Variants in ZHX2 observed in about 807,000 individuals in gnomAD.
The protein encoded by ZHX2 is zinc fingers and homeoboxes 2.
In ZHX2, 6 loss-of-function variants were observed where a neutral mutation model predicts 21.9. That is an observed-to-expected ratio of 0.27 (90% confidence interval 0.15 to 0.54). The LOEUF is 0.54. Ranked by LOEUF, ZHX2 falls within the 20% of genes least tolerant of loss-of-function variation. The pLI, the probability that ZHX2 is intolerant of heterozygous loss-of-function variation, is 0.95. For synonymous variants in ZHX2, 434 were observed against 437.1 expected (o/e 0.99, Z 0.09); for missense variants, 908 against 1,090.7 (o/e 0.83, Z 2.36).
chr8:122,884,545 C>T (rs1275416424), intron 2 of ZHX2, among the ~76,000 whole-genome samples: 1 of 152,206 alleles, frequency 6.6e-6, no homozygotes, highest in African/African-American at 2.4e-5. Flanking sequence ...CCAGCACTAC[C>T]TTGCCTTCAC....
rs1818307456 is a variant in ZHX2, at chr8:122,828,464, G to A, written c.-282-35013G>A. On this transcript the variant is annotated intron_variant, in intron 1 of 3. Coordinates refer to ENST00000314393, the MANE Select transcript of ZHX2 (RefSeq NM_014943.5). The surrounding 1 kb of genome is among the most constrained non-coding windows in gnomAD (Gnocchi z 5.2). ...CACTATGTGGATAAGAGTAACAGAAGAGAAACCAAAACCCAGGAAGACAGG... is the reference window on the plus strand; with the variant it reads ...CACTATGTGGATAAGAGTAACAGAAAAGAAACCAAAACCCAGGAAGACAGG... Among the ~76,000 whole-genome samples, 1 of 152,222 alleles carries A rather than the reference G, an allele frequency of 6.6e-6. No homozygotes were observed. Among genetic ancestry groups the A allele is most frequent in the African/African-American group, 2.4e-5 (1 of 41,464 alleles).
rs576385845 is a variant in ZHX2, at chr8:122,791,484, T to C, written c.-283+9538T>C. ...TAGTTCCCCAAAGTCCCCCTAAAAA[T>C]AAAGGCACTTCAAGGGAATTTAGAC... On this transcript the variant is annotated intron_variant, in intron 1 of 3. Coordinates refer to ENST00000314393, the MANE Select transcript of ZHX2 (RefSeq NM_014943.5). 1.5e-4 allele frequency among the ~76,000 whole-genome samples: 23 copies of C among 152,224 alleles called. No individual in the cohort carries two copies. The South Asian group carries it at 4.1e-3, about 27-fold the overall frequency.
intron 2 of ZHX2, among the ~76,000 whole-genome samples, chr8:122,939,727 A>G (rs992692258): frequency 2.0e-4 from 31 of 152,334 alleles, no homozygotes; most frequent in African/African-American, 7.2e-4. Flanking sequence ...TTACACAGGA[A>G]ATTTAAGAGG....
At chr8:122,937,434 C>G (rs1002495028) in intron 2 of ZHX2, among the ~76,000 whole-genome samples, 14 of 152,252 alleles carry the variant, frequency 9.2e-5, no homozygotes, top group Admixed American at 6.5e-5. Flanking sequence ...GTGAGAACCC[C>G]CACTCCTTCC....
intron 2 of ZHX2, among the ~76,000 whole-genome samples, chr8:122,909,260 C>T (rs150208759): frequency 0.028 from 4,270 of 151,990 alleles, 94 homozygotes; most frequent in Non-Finnish European, 0.043. Context: ...GTGAAACCCC[C>T]GTCTCTACTA....
intron 2 of ZHX2, among the ~76,000 whole-genome samples, chr8:122,945,059 A>G (rs1288357905): frequency 6.6e-6 from 1 of 152,004 alleles, no homozygotes; most frequent in Non-Finnish European, 1.5e-5. Context: ...GAAGAACCCA[A>G]CCCTGCTGGC....
intron 1 of ZHX2, among the ~76,000 whole-genome samples, chr8:122,845,265 A>G (rs1039583039): frequency 1.3e-5 from 2 of 152,254 alleles, no homozygotes; most frequent in African/African-American, 4.8e-5. Context: ...GTTGGCACAA[A>G]GTAAGGTTAA....
At chr8:122,834,354 C>T (rs190448279) in intron 1 of ZHX2, among the ~76,000 whole-genome samples, 242 of 152,304 alleles carry the variant, frequency 1.6e-3, no homozygotes, top group Admixed American at 4.0e-3. Context: ...TGCTCATAGT[C>T]CGACTTCCAG....
chr8:122,872,716 C>A (rs1819469513), intron 2 of ZHX2, among the ~76,000 whole-genome samples: 3 of 152,182 alleles, frequency 2.0e-5, no homozygotes, highest in African/African-American at 7.2e-5. Flanking sequence ...AGATGGAAAT[C>A]CAATTCAAAT....
At chr8:122,957,334 A>T (rs1180078591) in intron 3 of ZHX2, among the ~76,000 whole-genome samples, 1 of 145,574 alleles carries the variant, frequency 6.9e-6, no homozygotes, top group Non-Finnish European at 1.5e-5. Context: ...ACCCCACTTT[A>T]TGTTTAATTA....
chr8:122,804,287 T>C (rs1421958520), intron 1 of ZHX2, among the ~76,000 whole-genome samples: 3 of 152,116 alleles, frequency 2.0e-5, no homozygotes, highest in African/African-American at 4.8e-5. Flanking sequence ...TTTTGTATTT[T>C]TAGTAGAAAT....
intron 2 of ZHX2, among the ~76,000 whole-genome samples, chr8:122,880,762 G>C (rs1819695265): frequency 7.6e-6 from 1 of 131,586 alleles, no homozygotes; most frequent in South Asian, 2.7e-4. Flanking sequence ...GCAACAGAGT[G>C]AGACTCCACC....
At chr8:122,805,875 A>C (rs957223394) in intron 1 of ZHX2, among the ~76,000 whole-genome samples, 4 of 152,078 alleles carry the variant, frequency 2.6e-5, no homozygotes, top group Non-Finnish European at 5.9e-5. Flanking sequence ...AGGTCCTGGA[A>C]AAAAAAGTCC....
intron 1 of ZHX2, among the ~76,000 whole-genome samples, chr8:122,784,619 G>A (rs1159536426): frequency 1.3e-5 from 2 of 152,198 alleles, no homozygotes; most frequent in Non-Finnish European, 2.9e-5. Context: ...GCAACTGTGT[G>A]TTGATTTATT....
chr8:122,943,719 A>G (rs1197998157), intron 2 of ZHX2, among the ~76,000 whole-genome samples: 1 of 152,132 alleles, frequency 6.6e-6, no homozygotes, highest in African/African-American at 2.4e-5. Flanking sequence ...TGACTGTTTA[A>G]TTTGGGGTTA....
intron 2 of ZHX2, among the ~76,000 whole-genome samples, chr8:122,921,961 C>T (rs1172898115): frequency 1.3e-5 from 2 of 152,082 alleles, no homozygotes; most frequent in East Asian, 3.9e-4. Context: ...AGAAAAAGAG[C>T]ACTTCAGGAA....
At position 122,973,395 on chromosome 8, in the gene ZHX2, G is replaced by A. The variant is rs143039332; in HGVS notation, c.*158G>A. ...GCCTGGAGGGTGCGGGAAGTCCAGC[G>A]ACTCTCAGACGCACCTCCCAGAGGA... On this transcript the variant is annotated 3_prime_UTR_variant, in exon 4 of 4. Coordinates refer to ENST00000314393, the MANE Select transcript of ZHX2 (RefSeq NM_014943.5). 1.8e-3 allele frequency: 276 copies of A among 152,776 alleles called. 1 individual carries two copies. The highest frequency in any genetic ancestry group is 2.1e-3 in the Non-Finnish European group (140 of 68,068). 9.5% of individuals were successfully genotyped at this position (152,776 alleles called of 1,614,324 possible).
At chr8:122,858,290 G>A (rs148832472) in intron 1 of ZHX2, among the ~76,000 whole-genome samples, 72 of 152,276 alleles carry the variant, frequency 4.7e-4, no homozygotes, top group African/African-American at 6.5e-4. Flanking sequence ...CTTCTTACTC[G>A]TCTGCTAAAT....
chr8:122,780,486 G>C (rs1280948755), upstream of ZHX2: 1 of 152,378 alleles, frequency 6.6e-6, no homozygotes, highest in African/African-American at 2.4e-5. Flanking sequence ...GGGAAACAAG[G>C]TACATCTGGG....
Sources: allele counts gnomAD v4.1 joint callset (sites outside exome capture counted in the v4.1 genomes callset), GRCh38; gene constraint gnomAD v4.1.1; non-coding constraint Gnocchi (gnomAD v3.1); transcripts MANE v1.5; gene names NCBI Gene and HGNC (gene_info 2026-07-23, HGNC 2026-07-21).